MAPRE3: variants seen among roughly 807,000 people sequenced by gnomAD.
MAPRE3 encodes microtubule-associated protein RP/EB family member 3.
Under a neutral mutation model 30.5 loss-of-function variants are expected in MAPRE3, and 2 were observed. That is an observed-to-expected ratio of 0.07 (90% CI 0.03 to 0.21). The LOEUF is 0.21. Among genes scored for constraint, MAPRE3 ranks in the 10% least tolerant of loss-of-function variants. The pLI is 1.00. For synonymous variants in MAPRE3, 110 were observed against 127.7 expected (o/e 0.86, Z 0.93); for missense variants, 204 against 351.8 (o/e 0.58, Z 3.36).
intron 1 of MAPRE3, among the ~76,000 whole-genome samples, chr2:26,973,546 GTTTTTT>G (rs68169162): frequency 8.2e-6 from 1 of 122,288 alleles, no homozygotes. Flanking sequence ...AGAAAATATA[GTTTTTT>G]TTTTTTTTTT....
chr2:26,996,780 C>T (rs1364709962), intron 1 of MAPRE3: 1 of 152,088 alleles, frequency 6.6e-6, no homozygotes, highest in African/African-American at 2.4e-5. Context: ...GCATTCCAAC[C>T]TGGGCGACAG....
At chr2:27,011,723 G>C (rs1666860370) in intron 1 of MAPRE3, 1 of 151,540 alleles carries the variant, frequency 6.6e-6, no homozygotes, top group South Asian at 2.1e-4. Flanking sequence ...GCACACACCT[G>C]TAATCCCAGC....
In MAPRE3 at chr2:27,026,049, C is replaced by A; in HGVS notation, c.777+17C>A. 6.2e-7 allele frequency: 1 copy of A among 1,613,844 alleles called. No homozygotes were observed. Among genetic ancestry groups the A allele is most frequent in the African/African-American group, 1.3e-5 (1 of 75,056 alleles). On this transcript the variant is annotated intron_variant, in intron 6 of 6. Coordinates refer to ENST00000233121, the MANE Select transcript of MAPRE3 (RefSeq NM_012326.4). ...GCCACAGAGGTGAGCACTCCCAGGC[C>A]CATTGGGCCCTCCCCAGTCTGGCCT...
At chr2:27,002,496 C>T (rs1350131969) in intron 1 of MAPRE3, among the ~76,000 whole-genome samples, 1 of 151,514 alleles carries the variant, frequency 6.6e-6, no homozygotes, top group Non-Finnish European at 1.5e-5. Context: ...TTTAAAAGAA[C>T]CCATTTCCCT....
chr2:26,992,256 C>T (rs779578628), intron 1 of MAPRE3, among the ~76,000 whole-genome samples: 7 of 143,718 alleles, frequency 4.9e-5, no homozygotes, highest in African/African-American at 1.0e-4. Flanking sequence ...GATGGAGTTT[C>T]GCTCTTGTTG....
chr2:26,975,863 T>C (rs1166526588), intron 1 of MAPRE3, among the ~76,000 whole-genome samples: 1 of 149,748 alleles, frequency 6.7e-6, no homozygotes, highest in East Asian at 1.9e-4. Context: ...AGCTCTTAAG[T>C]GAGGGCAGGA....
intron 1 of MAPRE3, among the ~76,000 whole-genome samples, chr2:26,980,746 A>T (rs1279099884): frequency 6.6e-6 from 1 of 152,246 alleles, no homozygotes; most frequent in Non-Finnish European, 1.5e-5. Context: ...AACGTTCTTC[A>T]TGGTGATCTA....
At chr2:27,009,575 T>C (rs549385426) in intron 1 of MAPRE3, among the ~76,000 whole-genome samples, 1 of 152,364 alleles carries the variant, frequency 6.6e-6, no homozygotes, top group South Asian at 2.1e-4. Context: ...TAAAATACTG[T>C]GTACCTGAAA....
chr2:27,017,248 T>C (rs4665936), intron 1 of MAPRE3, among the ~76,000 whole-genome samples: 149,799 of 152,300 alleles, frequency 0.98, 73,717 homozygotes, highest in East Asian at 1. Context: ...TGGACCCCCA[T>C]TAGGGCAGAG....
In MAPRE3 at chr2:26,978,458, G is replaced by A. The variant is rs1267074888; in HGVS notation, c.-8+7656G>A. On this transcript the variant is annotated intron_variant, in intron 1 of 6. Transcript: ENST00000233121. ...CTCCACCCCCACCCGCTTCCCTGAA[G>A]GTTATTGACACTTACCTGGGACTCT... Among the ~76,000 whole-genome samples, 6 of 151,390 alleles carry A rather than the reference G, an allele frequency of 4.0e-5. No individual in the cohort carries two copies. The East Asian group carries it at 1.2e-3, about 29-fold the overall frequency.
intron 1 of MAPRE3, among the ~76,000 whole-genome samples, chr2:27,007,014 G>T (rs1666743944): frequency 6.6e-6 from 1 of 152,158 alleles, no homozygotes. Flanking sequence ...CAGTAAAGAA[G>T]AATTTATATC....
At chr2:27,010,439 C>CTTTTTT (rs71401549) in intron 1 of MAPRE3, among the ~76,000 whole-genome samples, 4 of 115,484 alleles carry the variant, frequency 3.5e-5, no homozygotes, top group Non-Finnish European at 6.8e-5. Context: ...ATCTGTATTT[C>CTTTTTT]TTTTTTTTTT....
intron 1 of MAPRE3, among the ~76,000 whole-genome samples, chr2:27,021,087 TA>T (rs1453342365): frequency 1.3e-5 from 2 of 152,212 alleles, no homozygotes; most frequent in African/African-American, 4.8e-5. Flanking sequence ...GACATGGTAG[TA>T]GGTATTATAA....
At chr2:26,992,004 T>G (rs1369532785) in intron 1 of MAPRE3, among the ~76,000 whole-genome samples, 1 of 152,194 alleles carries the variant, frequency 6.6e-6, no homozygotes, top group Non-Finnish European at 1.5e-5. Context: ...TTGTGCCAGA[T>G]TCCTAAGAGA....
rs746645027 is a variant in MAPRE3, at chr2:27,026,043, C to T, written c.777+11C>T. 5 of 1,614,040 alleles carry T rather than the reference C, an allele frequency of 3.1e-6. No individual in the cohort carries two copies. The highest frequency in any genetic ancestry group is 4.2e-6 in the Non-Finnish European group (5 of 1,179,970). The stretch of plus-strand genomic sequence containing the variant: ...CTCTATGCCACAGAGGTGAGCACTC[C>T]CAGGCCCATTGGGCCCTCCCCAGTC... On this transcript the variant is annotated intron_variant, in intron 6 of 6. Transcript: ENST00000233121.
chr2:27,018,544 T>A (rs2148225201), intron 1 of MAPRE3, among the ~76,000 whole-genome samples: 1 of 152,304 alleles, frequency 6.6e-6, no homozygotes, highest in East Asian at 1.9e-4. Context: ...TGTGCATTAC[T>A]CTCCCCAATA....
intron 1 of MAPRE3, among the ~76,000 whole-genome samples, chr2:26,977,875 G>A (rs1385045023): frequency 6.6e-6 from 1 of 152,240 alleles, no homozygotes. Flanking sequence ...AGTCTGCCCA[G>A]CTCTGAGCAC....
chr2:26,987,900 G>C (rs1666255722), intron 1 of MAPRE3, among the ~76,000 whole-genome samples: 1 of 152,204 alleles, frequency 6.6e-6, no homozygotes, highest in South Asian at 2.1e-4. Flanking sequence ...GATAATTAAT[G>C]GCTTAATTCT....
At chr2:27,000,375 C>T (rs1316442502) in intron 1 of MAPRE3, among the ~76,000 whole-genome samples, 1 of 152,070 alleles carries the variant, frequency 6.6e-6, no homozygotes, top group Non-Finnish European at 1.5e-5. Context: ...TGAGAAATGA[C>T]AGAGGTATGA....
Sources: allele counts gnomAD v4.1 joint callset (sites outside exome capture counted in the v4.1 genomes callset), GRCh38; gene constraint gnomAD v4.1.1; transcripts MANE v1.5; gene names NCBI Gene and HGNC (gene_info 2026-07-23, HGNC 2026-07-21).